The following MED27 variants were observed in gnomAD, a reference collection of about 807,000 sequenced individuals.
MED27 encodes mediator complex subunit 27.
Under a neutral mutation model 38.2 loss-of-function variants are expected in MED27, and 30 were observed. That is an observed-to-expected ratio of 0.79 (90% CI 0.59 to 1.07). The LOEUF (loss-of-function observed/expected upper bound fraction) is 1.07, where lower values mean the gene tolerates loss of function less well. MED27 is among the 50% of genes least tolerant of loss of function. The pLI is 0.00. For synonymous variants in MED27, 122 were observed against 153.5 expected (o/e 0.79, Z 1.52); for missense variants, 289 against 397.5 (o/e 0.73, Z 2.32).
chr9:131,908,284 C>T (rs1830115658), intron 4 of MED27, among the ~76,000 whole-genome samples: 1 of 151,216 alleles, frequency 6.6e-6, no homozygotes, highest in Non-Finnish European at 1.5e-5. Context: ...GGCCAGCCGC[C>T]CCGTCCGGGA....
intron 3 of MED27, among the ~76,000 whole-genome samples, chr9:132,008,467 A>G (rs1832410130): frequency 6.6e-6 from 1 of 152,248 alleles, no homozygotes; most frequent in Admixed American, 6.5e-5. Flanking sequence ...AGGTCACTTC[A>G]TCAGTGCCCT....
At chr9:132,019,610 C>T (rs532922443) in intron 2 of MED27, among the ~76,000 whole-genome samples, 1 of 152,290 alleles carries the variant, frequency 6.6e-6, no homozygotes, top group East Asian at 1.9e-4. Flanking sequence ...GCCAATCTTC[C>T]CCCCTACCCA....
At chr9:131,976,792 T>C (rs1589245219) in intron 3 of MED27, among the ~76,000 whole-genome samples, 1 of 152,202 alleles carries the variant, frequency 6.6e-6, no homozygotes, top group Non-Finnish European at 1.5e-5. Flanking sequence ...AATAAATGAA[T>C]ACAGCAGTAA....
intron 3 of MED27, among the ~76,000 whole-genome samples, chr9:132,002,887 C>A (rs769256916): frequency 7.4e-6 from 1 of 134,384 alleles, no homozygotes; most frequent in Non-Finnish European, 1.5e-5. Context: ...TGCACCCCAG[C>A]CTGGGGTACA....
At chr9:131,876,299 G>GA (rs534540460) in intron 6 of MED27, among the ~76,000 whole-genome samples, 2 of 152,176 alleles carry the variant, frequency 1.3e-5, no homozygotes, top group Admixed American at 6.5e-5. Context: ...TCTAATGGCA[G>GA]AAAGCCACAG....
chr9:132,041,800 C>G (rs538581217), intron 2 of MED27, among the ~76,000 whole-genome samples: 2 of 152,208 alleles, frequency 1.3e-5, no homozygotes, highest in African/African-American at 4.8e-5. Flanking sequence ...CAAACACGTT[C>G]GTGGGGCCTG....
At chr9:131,903,340 A>T (rs937469497) in intron 4 of MED27, among the ~76,000 whole-genome samples, 1 of 152,082 alleles carries the variant, frequency 6.6e-6, no homozygotes, top group African/African-American at 2.4e-5. Flanking sequence ...CACGGGAAAG[A>T]CCCACCCCCA....
chr9:131,895,127 C>T (rs1383648264), intron 4 of MED27, among the ~76,000 whole-genome samples: 1 of 152,152 alleles, frequency 6.6e-6, no homozygotes, highest in Non-Finnish European at 1.5e-5. Context: ...AATCTCTTTT[C>T]CTATAAACTA....
chr9:132,064,980 G>A (rs1226100858), intron 2 of MED27, among the ~76,000 whole-genome samples: 1 of 152,196 alleles, frequency 6.6e-6, no homozygotes, highest in Non-Finnish European at 1.5e-5. Context: ...CAGGAAGGTA[G>A]GGAATTACTG....
chr9:131,955,818 A>C (rs1831084648), intron 3 of MED27, among the ~76,000 whole-genome samples: 1 of 152,242 alleles, frequency 6.6e-6, no homozygotes, highest in African/African-American at 2.4e-5. Flanking sequence ...GGGAAGAAAT[A>C]GTATCAATCA....
In MED27 at chr9:131,906,198, A is replaced by C. The variant is rs1830058181; in HGVS notation, c.574-12206T>G. Among the ~76,000 whole-genome samples the C allele has an allele frequency of 2.0e-5, 3 of 152,358 alleles. No homozygotes were observed. In the South Asian group the frequency reaches 6.2e-4, roughly 32 times the overall value. Reference sequence around the variant, plus strand: ...GCATCGTTCTAAGGACTGGAGACTGAGCAGGGAATACAACAACTTGTGCTC... The same window carrying C: ...GCATCGTTCTAAGGACTGGAGACTGCGCAGGGAATACAACAACTTGTGCTC... On this transcript the variant is annotated intron_variant, in intron 4 of 7. Transcript: ENST00000292035.
At chr9:131,989,358 G>A (rs1410537735) in intron 3 of MED27, among the ~76,000 whole-genome samples, 1 of 152,158 alleles carries the variant, frequency 6.6e-6, no homozygotes, top group African/African-American at 2.4e-5. Flanking sequence ...CACAGCAGGA[G>A]CCTAGGATTT....
chr9:132,002,998 CAA>C (rs1051201357), intron 3 of MED27, among the ~76,000 whole-genome samples: 23 of 148,488 alleles, frequency 1.5e-4, no homozygotes, highest in African/African-American at 5.2e-4. Flanking sequence ...AGATCTGAAA[CAA>C]AAGAGTTTCA....
intron 3 of MED27, among the ~76,000 whole-genome samples, chr9:132,005,868 C>A (rs149210789): frequency 1.4e-4 from 22 of 152,310 alleles, no homozygotes; most frequent in African/African-American, 5.3e-4. Flanking sequence ...TAGGTAGTGT[C>A]AGTTATTGGA....
In MED27 at chr9:132,034,098, G is replaced by A. The variant is rs912317219; in HGVS notation, c.349-19631C>T. Among the ~76,000 whole-genome samples the A allele has an allele frequency of 3.3e-5, 5 of 152,268 alleles. 1 individual carries two copies. In the South Asian group the frequency reaches 8.3e-4, roughly 25 times the overall value. ...GAATAGATGAGGAGTCATGAGTACC[G>A]CTGCAATCTTTATTAAACATATGGG... On this transcript the variant is annotated intron_variant, in intron 2 of 7. Transcript: ENST00000292035.
chr9:131,996,945 A>G lies in MED27; in HGVS notation c.479+17392T>C, dbSNP rs1832104496. ...GCATACAACCTACAAAATATGTGTT[A>G]ATCAACTATGCCATTGGTAAGGCTA... On this transcript the variant is annotated intron_variant, in intron 3 of 7. Coordinates refer to ENST00000292035, the MANE Select transcript of MED27 (RefSeq NM_004269.4). 2.6e-5 allele frequency among the ~76,000 whole-genome samples: 4 copies of G among 152,232 alleles called. No individual in the cohort carries two copies. In the South Asian group the frequency reaches 8.3e-4, roughly 31 times the overall value.
chr9:132,030,235 C>T (rs185624114), intron 2 of MED27, among the ~76,000 whole-genome samples: 1 of 152,356 alleles, frequency 6.6e-6, no homozygotes, highest in Admixed American at 6.5e-5. Context: ...CGTGACAGCG[C>T]TGCCTGGCTC....
intron 4 of MED27, among the ~76,000 whole-genome samples, chr9:131,901,624 G>C (rs1182239287): frequency 6.6e-6 from 1 of 152,200 alleles, no homozygotes; most frequent in Non-Finnish European, 1.5e-5. Context: ...CGCACATTTT[G>C]AAAGGGTGGA....
At chr9:132,036,555 C>T (rs945410257) in intron 2 of MED27, among the ~76,000 whole-genome samples, 17 of 152,164 alleles carry the variant, frequency 1.1e-4, no homozygotes, top group African/African-American at 2.7e-4. Context: ...TGCCGGCATG[C>T]GCTGCTTCTT....
Sources: allele counts gnomAD v4.1 joint callset (sites outside exome capture counted in the v4.1 genomes callset), GRCh38; gene constraint gnomAD v4.1.1; transcripts MANE v1.5; gene names NCBI Gene and HGNC (gene_info 2026-07-23, HGNC 2026-07-21).